Variants in C2CD3 observed in about 807,000 individuals in gnomAD.
C2CD3 encodes the protein C2 domain containing 3 centriole elongation regulator, also known as C2 domain-containing protein 3.
Under a neutral mutation model 234.0 loss-of-function variants are expected in C2CD3, and 148 were observed. The ratio of observed to expected loss-of-function variants is 0.63; its 90% CI spans 0.55 to 0.72. The LOEUF (loss-of-function observed/expected upper bound fraction) is 0.72. Among genes scored for constraint, C2CD3 ranks in the 30% least tolerant of loss-of-function variants. The probability of loss-of-function intolerance (pLI) is 0.00; values close to 1 mark genes in which losing one functional copy is unlikely to be tolerated. For synonymous variants in C2CD3, 1,000 were observed against 1,035.4 expected, an observed-to-expected ratio of 0.97 and a Z score of 0.66; for missense variants, 2,577 against 2,811.5, an observed-to-expected ratio of 0.92 and a Z score of 1.89.
At chr11:74,100,375 T>A (rs1234731496) in intron 15 of C2CD3, 150 bp downstream of exon 15, 6 of 710,732 alleles carry the variant, frequency 8.4e-6, no homozygotes, top group Middle Eastern at 3.1e-4. Flanking sequence ...TGCTTTAGAA[T>A]AGGAGAAAGA....
At chr11:74,025,317 G>A (rs892013964) in intron 32 of C2CD3, among the ~76,000 whole-genome samples, 5 of 152,136 alleles carry the variant, frequency 3.3e-5, no homozygotes, top group African/African-American at 7.2e-5. Context: ...TTAGATTCAG[G>A]CTGGGCGTGG....
chr11:74,095,324 T>C lies in C2CD3; in HGVS notation c.3064A>G (p.Thr1022Ala), dbSNP rs1956066048. The C allele has an allele frequency of 6.2e-7, 1 of 1,613,866 alleles. No individual in the cohort carries two copies. The highest frequency in any genetic ancestry group is 8.5e-7 in the Non-Finnish European group (1 of 1,179,766). ...TAACAATCTGCTTCTCCCCAGACTG[T>C]TGCCTGAAGAGGGGCTAGCCCTTTA... ...MVKGLAPLQA[T>A]VWGEADCYVQ... is the part of the protein sequence containing the mutation. Residue 1022 changes from threonine to alanine, a missense_variant, in exon 17 of 33, where the codon ACA becomes GCA. Physicochemically the swap from Thr to Ala is moderately conservative, Grantham distance 58. Transcript: ENST00000334126.
Position 74,103,146 on chromosome 11 carries a change from G to C in C2CD3, c.2565C>G (p.Val855=). The C allele has an allele frequency of 6.2e-7, 1 of 1,611,118 alleles. No homozygotes were observed. Among genetic ancestry groups the C allele is most frequent in the Non-Finnish European group, 8.5e-7 (1 of 1,177,700 alleles). Residue 855 remains valine (V), a synonymous_variant, in exon 14 of 33, where the codon GTC becomes GTG. Coordinates refer to ENST00000334126, the MANE Select transcript of C2CD3 (RefSeq NM_001286577.2). ...SVIAWGTTQP[V]FNFSQVIPVS... is the part of the protein sequence containing the mutation. ...ACAAAGTTACCTGAGAAAAGTTAAAGACCGGTTGTGTTGTGCCCCATGCGA... is the reference window on the plus strand; with the variant it reads ...ACAAAGTTACCTGAGAAAAGTTAAACACCGGTTGTGTTGTGCCCCATGCGA...
chr11:74,154,649 C>T (rs1855891633), intron 3 of C2CD3, among the ~76,000 whole-genome samples: 1 of 152,154 alleles, frequency 6.6e-6, no homozygotes, highest in African/African-American at 2.4e-5. Flanking sequence ...GCTTTGCATG[C>T]CATATGGTCT....
At chr11:74,045,842 G>A (rs1287083949) in intron 28 of C2CD3, among the ~76,000 whole-genome samples, 1 of 152,046 alleles carries the variant, frequency 6.6e-6, no homozygotes, top group Non-Finnish European at 1.5e-5. Flanking sequence ...CAAAGTGCTG[G>A]AATTACAGGC....
chr11:74,066,106 A>T (rs1163162737), intron 24 of C2CD3, among the ~76,000 whole-genome samples: 1 of 151,056 alleles, frequency 6.6e-6, no homozygotes, highest in Non-Finnish European at 1.5e-5. Context: ...ACCATGGAAT[A>T]CTATGAAGCC....
At chr11:74,151,709 T>G (rs974612142) in intron 3 of C2CD3, among the ~76,000 whole-genome samples, 1 of 152,224 alleles carries the variant, frequency 6.6e-6, no homozygotes, top group African/African-American at 2.4e-5. Context: ...AAAAATTTAA[T>G]AGTAGTAGGA....
At chr11:74,101,469 C>T (rs1247434396) in intron 14 of C2CD3, among the ~76,000 whole-genome samples, 1 of 152,156 alleles carries the variant, frequency 6.6e-6, no homozygotes, top group Non-Finnish European at 1.5e-5. Flanking sequence ...AGCAGAGCTA[C>T]TTTTGTATCC....
At chr11:74,110,985 T>C (rs1479197285) in intron 11 of C2CD3, among the ~76,000 whole-genome samples, 1 of 152,210 alleles carries the variant, frequency 6.6e-6, no homozygotes, top group Non-Finnish European at 1.5e-5. Flanking sequence ...ACATTTCCTA[T>C]ATAATCCTTC....
chr11:74,034,212 T>A lies in C2CD3; in HGVS notation c.5948A>T (p.Asn1983Ile). The change falls in exon 31 of 33, where the codon AAC (asparagine) becomes ATC (isoleucine). Residue 1983 changes from asparagine (N) to isoleucine (I), a missense_variant. Coordinates refer to ENST00000334126, the MANE Select transcript of C2CD3 (RefSeq NM_001286577.2). ...LSSHRARSRS[N>I]KATTLPDAQD... The stretch of plus-strand genomic sequence containing the variant: ...AGCATCTGGGAGGGTGGTGGCCTTG[T>A]TGCTTCTACTCCTGGCTCGGTGAGA... The A allele has an allele frequency of 1.3e-6, 2 of 1,536,254 alleles. No homozygotes were observed. The highest frequency in any genetic ancestry group is 1.7e-6 in the Non-Finnish European group (2 of 1,146,908).
chr11:74,117,356 C>T (rs1199279767), intron 9 of C2CD3, among the ~76,000 whole-genome samples: 3 of 45,632 alleles, frequency 6.6e-5, no homozygotes, highest in African/African-American at 2.0e-4. Flanking sequence ...AGTCATTTGG[C>T]CTCAAATATA....
intron 3 of C2CD3, among the ~76,000 whole-genome samples, chr11:74,146,710 C>CCACACACACATA (rs1348035118): frequency 8.2e-5 from 7 of 84,960 alleles, no homozygotes; most frequent in Non-Finnish European, 1.5e-4. Context: ...AAAAGTCAAA[C>CCACACACACATA]CACACACACA....
chr11:74,061,135 C>A (rs1342668086), intron 24 of C2CD3, among the ~76,000 whole-genome samples: 2 of 151,916 alleles, frequency 1.3e-5, no homozygotes, highest in Non-Finnish European at 2.9e-5. Flanking sequence ...GTGAAAAGAC[C>A]AAGTCTACAT....
chr11:74,018,203 A>G (rs543564266), intron 32 of C2CD3, among the ~76,000 whole-genome samples: 87 of 152,296 alleles, frequency 5.7e-4, no homozygotes, highest in Non-Finnish European at 1.1e-3. Flanking sequence ...AATATCTTAC[A>G]AAACACAGAG....
Position 74,084,571 on chromosome 11 carries a change from T to C in C2CD3, c.4000+310A>G, listed in dbSNP as rs193106062. Among the ~76,000 whole-genome samples the C allele has an allele frequency of 8.5e-3, 1,288 of 152,126 alleles. 9 individuals carry two copies. Among genetic ancestry groups the C allele is most frequent in the African/African-American group, 0.029 (1,189 of 41,498 alleles). On this transcript the variant is annotated intron_variant, in intron 22 of 32. Transcript: ENST00000334126. ...GATTACAGGCGTGAGCCACCATGCGTGGTCTGTGTTTATCCTTTCTTCAGG... is the reference window on the plus strand; with the variant it reads ...GATTACAGGCGTGAGCCACCATGCGCGGTCTGTGTTTATCCTTTCTTCAGG...
intron 3 of C2CD3, among the ~76,000 whole-genome samples, chr11:74,155,897 T>C (rs1381743824): frequency 6.6e-6 from 1 of 152,080 alleles, no homozygotes. Flanking sequence ...TTCCAGCACT[T>C]TGGGAGGCTG....
chr11:74,134,593 A>G (rs1957796094), intron 5 of C2CD3, among the ~76,000 whole-genome samples: 1 of 152,190 alleles, frequency 6.6e-6, no homozygotes. Context: ...TACAGGAGGT[A>G]TTATTATTTT....
chr11:74,164,277 G>A (rs1034086287), intron 2 of C2CD3: 14 of 959,968 alleles, frequency 1.5e-5, no homozygotes, highest in South Asian at 4.8e-5. Flanking sequence ...ATCACGTAGT[G>A]TAGCCATAAT....
At chr11:74,085,152 T>C (rs1259599886) in intron 21 of C2CD3, among the ~76,000 whole-genome samples, 182 bp from the exon 22 acceptor site, 2 of 151,632 alleles carry the variant, frequency 1.3e-5, no homozygotes, top group Non-Finnish European at 2.9e-5. Flanking sequence ...ATTTTTTTTT[T>C]TTTTTGGCAG....
Sources: allele counts gnomAD v4.1 joint callset (sites outside exome capture counted in the v4.1 genomes callset), GRCh38; gene constraint gnomAD v4.1.1; transcripts MANE v1.5; gene names NCBI Gene and HGNC (gene_info 2026-07-23, HGNC 2026-07-21).